Variants in IFT172 observed in about 807,000 individuals in gnomAD.
The protein encoded by IFT172 is intraflagellar transport protein 172 homolog.
In IFT172, 164 loss-of-function variants were observed where a neutral mutation model predicts 248.9. The observed-to-expected ratio is 0.66, with a 90% CI of 0.58 to 0.75. IFT172 has a LOEUF of 0.75. Among genes scored for constraint, IFT172 ranks in the 30% least tolerant of loss-of-function variants. IFT172 has a pLI of 0.00. For synonymous variants in IFT172, 729 were observed against 791.6 expected (o/e 0.92, Z 1.33); for missense variants, 1,950 against 2,192.4 (o/e 0.89, Z 2.21).
intron 23 of IFT172, among the ~76,000 whole-genome samples, chr2:27,460,048 C>T (rs1465929952): frequency 6.6e-6 from 1 of 151,802 alleles, no homozygotes; most frequent in Non-Finnish European, 1.5e-5. Flanking sequence ...TAGGAGACTC[C>T]ATTTTGTTAT....
rs201572823 is a variant in IFT172, at chr2:27,445,131, C to T, written c.5069-26G>A. On this transcript the variant is annotated intron_variant, in intron 46 of 47. Coordinates refer to ENST00000260570, the MANE Select transcript of IFT172 (RefSeq NM_015662.3). The surrounding 1 kb of genome is among the most constrained non-coding windows in gnomAD (Gnocchi z 4.4). ...CTGTGGAGGAAGAAAAAATGATGAACTGGGGTTTGAGAGAGATTGAGGAGG... is the reference window on the plus strand; with the variant it reads ...CTGTGGAGGAAGAAAAAATGATGAATTGGGGTTTGAGAGAGATTGAGGAGG... The T allele has an allele frequency of 4.2e-5, 68 of 1,613,040 alleles. No homozygotes were observed. The highest frequency in any genetic ancestry group is 5.8e-5 in the Non-Finnish European group (68 of 1,179,616).
chr2:27,467,734 G>A (rs1667214741), intron 16 of IFT172, among the ~76,000 whole-genome samples: 1 of 151,774 alleles, frequency 6.6e-6, no homozygotes, highest in African/African-American at 2.4e-5. Flanking sequence ...CCTAACTAGA[G>A]TTCTGAAGAG....
In IFT172 at chr2:27,477,247, C is replaced by G; in HGVS notation, c.1295G>C (p.Arg432Pro). 6.2e-7 allele frequency: 1 copy of G among 1,614,058 alleles called. No individual in the cohort carries two copies. The highest frequency in any genetic ancestry group is 8.5e-7 in the Non-Finnish European group (1 of 1,179,958). Reference sequence around the variant, plus strand: ...GAGGTGGGGGTTCATGAATTCAGTGCGTACAGAACCCAGGGTGTCATTATT... The same window carrying G: ...GAGGTGGGGGTTCATGAATTCAGTGGGTACAGAACCCAGGGTGTCATTATT... ...YGNNDTLGSVRTEFMNPHLIS... is the reference protein window; with the variant it reads ...YGNNDTLGSVPTEFMNPHLIS... The change falls in exon 13 of 48, where the codon CGC (arginine) becomes CCC (proline). Residue 432 changes from arginine (R) to proline (P), a missense_variant. Arg to Pro is a moderately radical substitution (Grantham distance 103). This residue lies in a region of IFT172 where 1,166 missense variants were observed against 1,254.1 expected (regional missense o/e 0.93). Transcript: ENST00000260570.
At chr2:27,482,431 T>C (rs1251924026) in intron 7 of IFT172, among the ~76,000 whole-genome samples, 2 of 152,100 alleles carry the variant, frequency 1.3e-5, no homozygotes, top group Admixed American at 6.5e-5. Flanking sequence ...AAGCTGGGAT[T>C]ACAGGCATGT....
chr2:27,446,260 C>T lies in IFT172; in HGVS notation c.4755G>A (p.Lys1585=), dbSNP rs768149033. The change falls in exon 43 of 48, where the codon AAG becomes AAA. Residue 1585 remains lysine, a splice_region_variant and synonymous_variant. Transcript: ENST00000260570. ...KAFYEAGIAA[K]AVGWDNMAFI... ...CCCACCCTTCCTTGTCCCAGCTCAC[C>T]TTGGCAGCAATGCCTGCTTCATAGA... 4.3e-6 allele frequency: 7 copies of T among 1,613,952 alleles called. No homozygotes were observed. The highest frequency in any genetic ancestry group is 5.9e-6 in the Non-Finnish European group (7 of 1,179,924).
intron 47 of IFT172, among the ~76,000 whole-genome samples, 181 bp downstream of exon 47, chr2:27,444,832 GA>G (rs527554115): frequency 9.1e-4 from 139 of 152,306 alleles, no homozygotes; most frequent in African/African-American, 3.3e-3. Context: ...ATTTTTAGTA[GA>G]GACGAGGTTT....
intron 15 of IFT172, 135 bp downstream of exon 15, chr2:27,472,115 T>G (rs1253059551): frequency 1.4e-6 from 1 of 698,574 alleles, no homozygotes; most frequent in African/African-American, 1.7e-5. Context: ...ATGTTGATTC[T>G]TCTGTGCCTT....
intron 14 of IFT172, among the ~76,000 whole-genome samples, chr2:27,474,009 C>T (rs574134086): frequency 2.6e-5 from 4 of 152,014 alleles, no homozygotes; most frequent in African/African-American, 4.8e-5. Context: ...GGTTTCACCA[C>T]GTTGGTCAGG....
chr2:27,444,836 C>A (rs565409936), intron 47 of IFT172, among the ~76,000 whole-genome samples, 178 bp downstream of exon 47: 1 of 152,062 alleles, frequency 6.6e-6, no homozygotes, highest in Non-Finnish European at 1.5e-5. Context: ...TTAGTAGAGA[C>A]GAGGTTTTAA....
intron 18 of IFT172, among the ~76,000 whole-genome samples, chr2:27,464,345 C>T (rs1354533758): frequency 6.6e-6 from 1 of 152,124 alleles, no homozygotes; most frequent in South Asian, 2.1e-4. Context: ...GAGGCAAATA[C>T]TATTATTAAC....
At chr2:27,484,691 A>G (rs1312754915) in intron 3 of IFT172, among the ~76,000 whole-genome samples, 1 of 152,168 alleles carries the variant, frequency 6.6e-6, no homozygotes, top group Non-Finnish European at 1.5e-5. Context: ...GCCCAGTAGT[A>G]TTTCTGACTA....
intron 30 of IFT172, 49 bp downstream of exon 30, chr2:27,456,462 G>C: frequency 6.4e-7 from 1 of 1,574,316 alleles, no homozygotes; most frequent in South Asian, 1.2e-5. Flanking sequence ...TCTCTAGATA[G>C]TGGCTCTGGC....
chr2:27,459,204 C>G, intron 25 of IFT172, 174 bp downstream of exon 25: 1 of 786,958 alleles, frequency 1.3e-6, no homozygotes, highest in Non-Finnish European at 2.0e-6. Flanking sequence ...ATATCTGTGT[C>G]ACACTGGAAT....
chr2:27,476,622 A>C lies in IFT172; in HGVS notation c.1411+19T>G, dbSNP rs1311487834. On this transcript the variant is annotated intron_variant, in intron 14 of 47. Coordinates refer to ENST00000260570, the MANE Select transcript of IFT172 (RefSeq NM_015662.3). ...AAACATCTATTTTGTTATTAAAATT[A>C]TGAGAGAGTCTTACTCACCTATAGC... 2 of 1,384,206 alleles carry C rather than the reference A, an allele frequency of 1.4e-6. No homozygotes were observed. Among genetic ancestry groups the C allele is most frequent in the Non-Finnish European group, 2.1e-6 (2 of 975,458 alleles). The allele number at this position is 1,384,206 out of a possible 1,614,324, so 85.7% of individuals were successfully genotyped here.
At chr2:27,458,012 C>G in intron 27 of IFT172, 36 bp from the exon 28 acceptor site, 1 of 1,613,974 alleles carries the variant, frequency 6.2e-7, no homozygotes, top group African/African-American at 1.3e-5. Context: ...CTCCTAGACC[C>G]GACCCCTGCT....
chr2:27,469,794 T>A (rs1287325083), intron 16 of IFT172, among the ~76,000 whole-genome samples: 1 of 152,170 alleles, frequency 6.6e-6, no homozygotes, highest in African/African-American at 2.4e-5. Flanking sequence ...ATGACGCCAC[T>A]GCACTCCAGC....
intron 1 of IFT172, among the ~76,000 whole-genome samples, chr2:27,489,335 C>G (rs560525746): frequency 1.3e-5 from 2 of 152,194 alleles, no homozygotes; most frequent in Non-Finnish European, 2.9e-5. Context: ...ATACGAGCCT[C>G]CTGAAGGGAG....
intron 15 of IFT172, 35 bp downstream of exon 15, chr2:27,472,215 C>T (rs895713022): frequency 4.0e-6 from 6 of 1,489,550 alleles, no homozygotes; most frequent in Non-Finnish European, 5.6e-6. Flanking sequence ...CTCTGTGGGC[C>T]AGCCAATGCC....
chr2:27,463,975 G>A (rs1666886861), intron 18 of IFT172, among the ~76,000 whole-genome samples: 1 of 152,146 alleles, frequency 6.6e-6, no homozygotes, highest in Non-Finnish European at 1.5e-5. Flanking sequence ...GTAAGCTAAT[G>A]GAAGGTTCCA....
Sources: gnomAD v4.1 joint callset for allele counts (sites outside exome capture counted in the v4.1 genomes callset) on GRCh38, gnomAD v4.1.1 for gene constraint, gnomAD v4.1.1 regional missense constraint, Gnocchi (gnomAD v3.1) non-coding constraint, MANE v1.5 for transcripts, NCBI Gene and HGNC (gene_info 2026-07-23, HGNC 2026-07-21) for gene names.